Variants in ATRNL1 observed in about 807,000 individuals in gnomAD.
ATRNL1 encodes the protein attractin like 1, also known as attractin-like protein 1.
A neutral mutation model predicts 182.7 loss-of-function variants in ATRNL1; 95 were observed. The ratio of observed to expected loss-of-function variants is 0.52; its 90% CI spans 0.44 to 0.62. The LOEUF (loss-of-function observed/expected upper bound fraction) is 0.62. Ranked by LOEUF, ATRNL1 falls within the 20% of genes least tolerant of loss-of-function variation. The pLI, the probability that ATRNL1 is intolerant of heterozygous loss-of-function variation, is 0.00. For missense variants in ATRNL1, 1,471 were observed against 1,679.5 expected, an observed-to-expected ratio of 0.88 and a Z score of 2.17; for synonymous variants, 576 against 568.3, an observed-to-expected ratio of 1.01 and a Z score of -0.19.
intron 27 of ATRNL1, among the ~76,000 whole-genome samples, chr10:115,746,412 A>G (rs188927483): frequency 6.6e-6 from 1 of 152,224 alleles, no homozygotes; most frequent in East Asian, 1.9e-4. Flanking sequence ...AATAAGCAAT[A>G]GGAAAATCAT....
At chr10:115,443,911 C>T (rs573082619) in intron 21 of ATRNL1, among the ~76,000 whole-genome samples, 1 of 152,106 alleles carries the variant, frequency 6.6e-6, no homozygotes, top group East Asian at 1.9e-4. Flanking sequence ...ATTATTCCTT[C>T]CTATTTGAGT....
intron 27 of ATRNL1, among the ~76,000 whole-genome samples, chr10:115,822,241 A>G (rs7904830): frequency 0.98 from 149,469 of 152,240 alleles, 73,427 homozygotes; most frequent in East Asian, 1. Context: ...TGAGAACAAG[A>G]ACACAACACA....
At chr10:115,151,023 C>T (rs545920154) in intron 5 of ATRNL1, among the ~76,000 whole-genome samples, 1 of 152,326 alleles carries the variant, frequency 6.6e-6, no homozygotes, top group South Asian at 2.1e-4. Context: ...TTTCCAGCTT[C>T]ATCCATGTCC....
At chr10:115,769,979 T>G (rs561826227) in intron 27 of ATRNL1, among the ~76,000 whole-genome samples, 95 of 152,288 alleles carry the variant, frequency 6.2e-4, no homozygotes, top group African/African-American at 2.2e-3. Context: ...CTAATGCAGC[T>G]TAAGCCTAAG....
chr10:115,713,381 G>A (rs10787593), intron 26 of ATRNL1, among the ~76,000 whole-genome samples: 56,249 of 151,586 alleles, frequency 0.37, 11,213 homozygotes, highest in Admixed American at 0.54. Flanking sequence ...AGCAAAATAT[G>A]TAGCATATTA....
In ATRNL1 at chr10:115,455,721, T is replaced by A. The variant is rs564134004; in HGVS notation, c.3323-6220T>A. ...GCAGCCTACAGAATGGGAGAAAATT[T>A]TTGCAATCTATCCATCTGACAAAGG... On this transcript the variant is annotated intron_variant, in intron 21 of 28. Transcript: ENST00000355044. Among the ~76,000 whole-genome samples, 5 of 152,180 alleles carry A rather than the reference T, an allele frequency of 3.3e-5. No individual in the cohort carries two copies. The East Asian group carries it at 7.7e-4, about 23-fold the overall frequency.
intron 6 of ATRNL1, among the ~76,000 whole-genome samples, chr10:115,160,767 T>C (rs1040438080): frequency 3.9e-5 from 6 of 152,050 alleles, no homozygotes; most frequent in Non-Finnish European, 8.8e-5. Flanking sequence ...TTTCAGCTAA[T>C]GATTGTATTT....
At chr10:115,231,403 C>A (rs1849946117) in intron 9 of ATRNL1, among the ~76,000 whole-genome samples, 3 of 151,878 alleles carry the variant, frequency 2.0e-5, no homozygotes, top group Admixed American at 2.0e-4. Flanking sequence ...TCTTGATTGG[C>A]ATGTGTCAAA....
At chr10:115,120,162 C>T in intron 1 of ATRNL1, 23 bp from the exon 2 acceptor site, 1 of 1,349,132 alleles carries the variant, frequency 7.4e-7, no homozygotes, top group Non-Finnish European at 1.1e-6. Context: ...TAATTATTTT[C>T]ATTATTTTAT....
intron 19 of ATRNL1, among the ~76,000 whole-genome samples, chr10:115,364,880 A>G (rs1363071576): frequency 1.1e-4 from 17 of 151,216 alleles, no homozygotes; most frequent in Non-Finnish European, 1.9e-4. Context: ...CCACTTGATC[A>G]TGGTGGATAA....
intron 26 of ATRNL1, among the ~76,000 whole-genome samples, chr10:115,592,419 T>A (rs981420224): frequency 6.6e-6 from 1 of 152,218 alleles, no homozygotes; most frequent in Non-Finnish European, 1.5e-5. Context: ...CAGCAGCTTT[T>A]ACTATAGTCA....
rs781927639 is a variant in ATRNL1, at chr10:115,847,979, C to A, written c.4006C>A (p.Pro1336Thr). 1 of 1,598,140 alleles carries A rather than the reference C, an allele frequency of 6.3e-7. No individual in the cohort carries two copies. The highest frequency in any genetic ancestry group is 1.1e-5 in the South Asian group (1 of 90,656). Residue 1336 changes from proline to threonine, a missense_variant, in exon 28 of 29, where the codon CCT (proline) becomes ACT (threonine). By Grantham distance (38) the Pro-to-Thr change is conservative. Around this residue, in one of 3 missense-constraint regions of ATRNL1, gnomAD observed 437 missense variants for 506.0 expected, o/e 0.86. Transcript: ENST00000355044. ...ACGAGGATCATCAGGTGCCCCTCCC[C>A]CTGGGCAGTCAGGTATGATAAATGA... is the stretch of plus-strand genomic sequence containing the variant. Reference protein sequence around the residue: ...LPRGSSGAPPPGQSGLAIASA... With the variant: ...LPRGSSGAPPTGQSGLAIASA...
At chr10:115,607,295 G>A (rs1182620348) in intron 26 of ATRNL1, among the ~76,000 whole-genome samples, 1 of 151,418 alleles carries the variant, frequency 6.6e-6, no homozygotes, top group African/African-American at 2.4e-5. Flanking sequence ...TGTTCTTTTT[G>A]TTGCTACCTA....
chr10:115,637,812 A>G (rs922211195), intron 26 of ATRNL1, among the ~76,000 whole-genome samples: 2 of 151,822 alleles, frequency 1.3e-5, no homozygotes, highest in East Asian at 3.9e-4. Context: ...GTTAGTAGAG[A>G]CAGAGTTTCA....
At chr10:115,360,709 G>A (rs565705838) in intron 19 of ATRNL1, among the ~76,000 whole-genome samples, 1 of 151,518 alleles carries the variant, frequency 6.6e-6, no homozygotes, top group Non-Finnish European at 1.5e-5. Flanking sequence ...TTTGCAGAAT[G>A]TGGAGGAGGT....
At chr10:115,466,553 T>A (rs1848060947) in intron 22 of ATRNL1, among the ~76,000 whole-genome samples, 1 of 151,100 alleles carries the variant, frequency 6.6e-6, no homozygotes, top group Non-Finnish European at 1.5e-5. Context: ...ATGTAAAGAG[T>A]CTGTACTCCA....
intron 27 of ATRNL1, among the ~76,000 whole-genome samples, chr10:115,781,735 G>A (rs1949270620): frequency 6.6e-6 from 1 of 152,034 alleles, no homozygotes; most frequent in African/African-American, 2.4e-5. Flanking sequence ...CTTTAATATG[G>A]GTGATGGTTA....
At chr10:115,482,530 T>G (rs552226347) in intron 24 of ATRNL1, among the ~76,000 whole-genome samples, 3 of 149,412 alleles carry the variant, frequency 2.0e-5, no homozygotes, top group African/African-American at 7.2e-5. Flanking sequence ...TTTTGTACTT[T>G]GATGATTGGA....
chr10:115,721,626 A>C (rs1156819225), intron 26 of ATRNL1, among the ~76,000 whole-genome samples: 1 of 152,136 alleles, frequency 6.6e-6, no homozygotes, highest in East Asian at 1.9e-4. Flanking sequence ...TATCATGAGA[A>C]TAACACGGGA....
Sources: allele counts gnomAD v4.1 joint callset (sites outside exome capture counted in the v4.1 genomes callset), GRCh38; gene constraint gnomAD v4.1.1; regional missense constraint gnomAD v4.1.1; transcripts MANE v1.5; gene names NCBI Gene and HGNC (gene_info 2026-07-23, HGNC 2026-07-21).